Variants in ARFGEF2 observed in about 807,000 individuals in gnomAD.
ARFGEF2 encodes the protein brefeldin A-inhibited guanine nucleotide-exchange protein 2.
In ARFGEF2, 74 loss-of-function variants were observed where a neutral mutation model predicts 219.9. That is an observed-to-expected ratio of 0.34 (90% CI 0.28 to 0.41). ARFGEF2 has a LOEUF of 0.41. Ranked by LOEUF, ARFGEF2 falls within the 10% of genes least tolerant of loss-of-function variation. ARFGEF2 has a pLI of 1.00. For missense variants in ARFGEF2, 1,743 were observed against 2,218.3 expected, an observed-to-expected ratio of 0.79 and a Z score of 4.30; for synonymous variants, 733 against 799.2, an observed-to-expected ratio of 0.92 and a Z score of 1.40.
At position 49,035,611 on chromosome 20, in the gene ARFGEF2, C is replaced by T. The variant is rs1487636162; in HGVS notation, c.*2412C>T. The stretch of plus-strand genomic sequence containing the variant: ...AACACTAGTGAAAGGGTATGTACAA[C>T]CGCAACATCAGGCCAGGACACCATT... On this transcript the variant is annotated 3_prime_UTR_variant, in exon 39 of 39. Transcript: ENST00000371917. 6.6e-6 allele frequency: 1 copy of T among 152,192 alleles called. No individual in the cohort carries two copies. The highest frequency in any genetic ancestry group is 2.4e-5 in the African/African-American group (1 of 41,448). The allele number at this position is 152,192 out of a possible 1,614,324, so 9.4% of individuals were successfully genotyped here. A position where few individuals can be genotyped will look rare whatever the true frequency, so the allele number is the denominator to read the frequency against.
rs2091649149 is a variant in ARFGEF2, at chr20:49,033,443, C to T, written c.*244C>T. The T allele has an allele frequency of 1.9e-6, 1 of 514,616 alleles. No individual in the cohort carries two copies. Among genetic ancestry groups the T allele is most frequent in the South Asian group, 2.5e-5 (1 of 40,348 alleles). The allele number at this position is 514,616 out of a possible 1,614,324, so 31.9% of individuals were successfully genotyped here. A position where few individuals can be genotyped will look rare whatever the true frequency, so the allele number is the denominator to read the frequency against. On this transcript the variant is annotated 3_prime_UTR_variant, in exon 39 of 39. Transcript: ENST00000371917. ...GGAGTCTGCTTCATTTCTATCATTC[C>T]ATTTTTCTGATTAAACTGTCAAATC...
At chr20:48,949,169 T>C (rs770984699) in intron 3 of ARFGEF2, among the ~76,000 whole-genome samples, 4 of 152,186 alleles carry the variant, frequency 2.6e-5, no homozygotes, top group South Asian at 2.1e-4. Flanking sequence ...TGAAGAGTAA[T>C]GTGCCCCTTA....
At chr20:48,952,389 C>G (rs2091076731) in intron 4 of ARFGEF2, among the ~76,000 whole-genome samples, 1 of 152,014 alleles carries the variant, frequency 6.6e-6, no homozygotes, top group South Asian at 2.1e-4. Context: ...CTCGTGACCT[C>G]AAGTGAGCCA....
intron 1 of ARFGEF2, among the ~76,000 whole-genome samples, chr20:48,934,311 G>A (rs1816832625): frequency 6.6e-6 from 1 of 151,656 alleles, no homozygotes. Flanking sequence ...ACACTTTTTC[G>A]CTGTTCCTTT....
intron 1 of ARFGEF2, among the ~76,000 whole-genome samples, chr20:48,928,854 A>T (rs1600582822): frequency 6.6e-6 from 1 of 152,182 alleles, no homozygotes; most frequent in Non-Finnish European, 1.5e-5. Context: ...CTCCCCTATT[A>T]GTTGGTTTAT....
intron 35 of ARFGEF2, among the ~76,000 whole-genome samples, chr20:49,023,710 T>G (rs1166622178): frequency 6.6e-6 from 1 of 151,484 alleles, no homozygotes; most frequent in Non-Finnish European, 1.5e-5. Context: ...GGCTAATTTT[T>G]TGTATTTTTA....
intron 37 of ARFGEF2, 63 bp from the exon 38 acceptor site, chr20:49,031,986 C>G (rs1779365218): frequency 9.3e-7 from 1 of 1,077,620 alleles, no homozygotes. Flanking sequence ...ATGAATAGTT[C>G]TCCCCTGAAT....
At chr20:49,017,118 A>G (rs1193267402) in intron 31 of ARFGEF2, 131 bp from the exon 32 acceptor site, 2 of 877,642 alleles carry the variant, frequency 2.3e-6, no homozygotes, top group Non-Finnish European at 3.6e-6. Context: ...TGTCTGTAGC[A>G]TGGCTTCATT....
chr20:48,975,866 A>G, intron 13 of ARFGEF2, 150 bp from the exon 14 acceptor site: 3 of 720,850 alleles, frequency 4.2e-6, no homozygotes. Context: ...AAGTATCTGA[A>G]TGATACTAAG....
At chr20:48,952,381 C>T (rs1162844562) in intron 4 of ARFGEF2, among the ~76,000 whole-genome samples, 1 of 151,960 alleles carries the variant, frequency 6.6e-6, no homozygotes, top group Non-Finnish European at 1.5e-5. Context: ...GTCTTGAACT[C>T]GTGACCTCAA....
chr20:48,979,945 ATT>A (rs73623292), intron 14 of ARFGEF2, among the ~76,000 whole-genome samples: 1 of 149,686 alleles, frequency 6.7e-6, no homozygotes, highest in African/African-American at 2.5e-5. Context: ...GGATTCGTTG[ATT>A]TTTTTTTGAA....
intron 26 of ARFGEF2, among the ~76,000 whole-genome samples, chr20:49,008,954 T>TG (rs1299880423): frequency 1.3e-5 from 2 of 152,172 alleles, no homozygotes; most frequent in African/African-American, 4.8e-5. Flanking sequence ...GTGATCCACC[T>TG]GCTTCGGCCT....
intron 20 of ARFGEF2, among the ~76,000 whole-genome samples, chr20:48,989,992 C>T (rs547732404): frequency 9.2e-5 from 14 of 152,092 alleles, no homozygotes; most frequent in Non-Finnish European, 1.8e-4. Context: ...CCAGCCTAAC[C>T]AACATGGAGA....
At position 49,018,887 on chromosome 20, in the gene ARFGEF2, G is replaced by A. The variant is rs546688171; in HGVS notation, c.4513G>A (p.Val1505Met). 4 of 1,613,182 alleles carry A rather than the reference G, an allele frequency of 2.5e-6. No individual in the cohort carries two copies. The South Asian group carries it at 4.4e-5, about 18-fold the overall frequency. The change falls in exon 34 of 39, where the codon GTG becomes ATG. Residue 1505 changes from valine to methionine, a missense_variant. Physicochemically the swap from Val to Met is conservative, Grantham distance 21 (BLOSUM62 1). Around this residue, in one of 5 missense-constraint regions of ARFGEF2, gnomAD observed 578 missense variants for 664.0 expected, o/e 0.87. Coordinates refer to ENST00000371917, the MANE Select transcript of ARFGEF2 (RefSeq NM_006420.3). ...TTTCCCTCTGGTTTACATTTAGGAT[G>A]TGGATCTGGACCGCCAGTCTTTAAG... Reference protein sequence around the residue: ...EEDSSEKHLDVDLDRQSLSSI... With the variant: ...EEDSSEKHLDMDLDRQSLSSI...
At chr20:48,975,969 G>A (rs116404229) in intron 13 of ARFGEF2, 47 bp from the exon 14 acceptor site, 10 of 1,605,032 alleles carry the variant, frequency 6.2e-6, no homozygotes, top group Non-Finnish European at 8.5e-6. Flanking sequence ...GGCTGTGTCT[G>A]TGTCCCACTT....
intron 30 of ARFGEF2, among the ~76,000 whole-genome samples, 173 bp from the exon 31 acceptor site, chr20:49,016,107 T>C (rs1201669823): frequency 6.6e-6 from 1 of 152,222 alleles, no homozygotes; most frequent in Non-Finnish European, 1.5e-5. Context: ...CATAATTTTA[T>C]AAAGATCCCT....
intron 34 of ARFGEF2, among the ~76,000 whole-genome samples, chr20:49,021,770 T>C (rs921481172): frequency 1.3e-5 from 2 of 149,688 alleles, no homozygotes; most frequent in African/African-American, 5.0e-5. Flanking sequence ...TGCTTGAACC[T>C]GAAGGCGGAG....
intron 16 of ARFGEF2, among the ~76,000 whole-genome samples, chr20:48,987,362 G>A (rs564630289): frequency 1.8e-4 from 28 of 152,122 alleles, no homozygotes; most frequent in Non-Finnish European, 2.8e-4. Context: ...GCCTCATATC[G>A]TATGAAGCTG....
chr20:49,032,861 G>A (rs2091644797), intron 38 of ARFGEF2, among the ~76,000 whole-genome samples, 162 bp from the exon 39 acceptor site: 1 of 151,988 alleles, frequency 6.6e-6, no homozygotes, highest in African/African-American at 2.4e-5. Context: ...CCCAAGTGCT[G>A]GGATTATAGG....
Sources: gnomAD v4.1 joint callset for allele counts (sites outside exome capture counted in the v4.1 genomes callset) on GRCh38, gnomAD v4.1.1 for gene constraint, gnomAD v4.1.1 regional missense constraint, MANE v1.5 for transcripts, NCBI Gene and HGNC (gene_info 2026-07-23, HGNC 2026-07-21) for gene names.